Variants in FAM184A observed in about 807,000 individuals in gnomAD.
FAM184A encodes the protein family with sequence similarity 184 member A.
FAM184A carries 99 observed loss-of-function variants against 143.8 expected under a neutral mutation model. The ratio of observed to expected loss-of-function variants is 0.69; its 90% confidence interval spans 0.58 to 0.81. FAM184A has a LOEUF of 0.81. Among genes scored for constraint, FAM184A ranks in the 40% least tolerant of loss-of-function variants. The probability of loss-of-function intolerance (pLI) is 0.00; values close to 1 mark genes in which losing one functional copy is unlikely to be tolerated. For synonymous variants in FAM184A, 427 were observed against 446.4 expected (o/e 0.96, Z 0.55); for missense variants, 1,217 against 1,310.5 (o/e 0.93, Z 1.10).
At chr6:118,973,697 T>G (rs796700470) in intron 14 of FAM184A, among the ~76,000 whole-genome samples, 1 of 152,128 alleles carries the variant, frequency 6.6e-6, no homozygotes, top group Admixed American at 6.6e-5. Flanking sequence ...GCCACAGAGA[T>G]GGACTGAGTA....
Position 118,975,943 on chromosome 6 carries a change from T to G in FAM184A, c.2557A>C (p.Arg853=). ...TGTCTTCTGCTGATGTCTATGCTTC[T>G]CTCTAATTCCATTTTAGCAGCTGCC... The part of the protein sequence containing the change: ...ELAAAKMELE[R]SIDISRRQSK... The change falls in exon 12 of 18, where the codon AGA becomes CGA. Residue 853 remains arginine, a synonymous_variant. Transcript: ENST00000338891. 1 of 1,613,116 alleles carries G rather than the reference T, an allele frequency of 6.2e-7. No homozygotes were observed. Among genetic ancestry groups the G allele is most frequent in the South Asian group, 1.1e-5 (1 of 91,018 alleles).
intron 1 of FAM184A, among the ~76,000 whole-genome samples, chr6:119,029,182 AC>A (rs1184747255): frequency 2.0e-5 from 3 of 152,186 alleles, no homozygotes; most frequent in African/African-American, 4.8e-5. Context: ...AGAGAATTCA[AC>A]GAGGTAAAAT....
intron 1 of FAM184A, among the ~76,000 whole-genome samples, chr6:119,134,193 A>G (rs1006399256): frequency 6.6e-6 from 1 of 152,164 alleles, no homozygotes; most frequent in Non-Finnish European, 1.5e-5. Flanking sequence ...ATCAATATAG[A>G]AAAGACAAAC....
At chr6:119,009,069 G>C (rs189883648) in intron 6 of FAM184A, among the ~76,000 whole-genome samples, 10 of 152,176 alleles carry the variant, frequency 6.6e-5, no homozygotes, top group African/African-American at 2.4e-4. Context: ...ATTATGTGCT[G>C]ACTTGGGCAA....
chr6:119,020,224 C>T, intron 3 of FAM184A, 65 bp from the exon 4 acceptor site: 2 of 1,246,236 alleles, frequency 1.6e-6, no homozygotes, highest in East Asian at 2.6e-5. Context: ...AAACAGTTTA[C>T]ATTTAATAAC....
At chr6:119,010,830 C>T (rs563687897) in intron 6 of FAM184A, among the ~76,000 whole-genome samples, 5 of 152,204 alleles carry the variant, frequency 3.3e-5, no homozygotes, top group Admixed American at 1.3e-4. Context: ...CTTAACCCAC[C>T]TGGAACTTTG....
At chr6:119,060,422 C>T (rs1787185807) in intron 1 of FAM184A, among the ~76,000 whole-genome samples, 1 of 152,080 alleles carries the variant, frequency 6.6e-6, no homozygotes, top group African/African-American at 2.4e-5. Context: ...AGCAACAGCC[C>T]ACAGTCTAGT....
intron 9 of FAM184A, among the ~76,000 whole-genome samples, chr6:118,987,064 A>G (rs1784218753): frequency 6.6e-6 from 1 of 152,230 alleles, no homozygotes; most frequent in African/African-American, 2.4e-5. Context: ...GGAAAAACTT[A>G]TGGGGTATGA....
At chr6:119,052,829 C>T (rs1295184136) in intron 1 of FAM184A, among the ~76,000 whole-genome samples, 1 of 152,208 alleles carries the variant, frequency 6.6e-6, no homozygotes, top group Non-Finnish European at 1.5e-5. Flanking sequence ...TTTCTAAATA[C>T]ACTGAGTTGT....
At chr6:119,094,890 G>A (rs1788465804) in intron 1 of FAM184A, among the ~76,000 whole-genome samples, 1 of 152,204 alleles carries the variant, frequency 6.6e-6, no homozygotes, top group Non-Finnish European at 1.5e-5. Flanking sequence ...CAAAAGAGGG[G>A]AGGCTGAACA....
At chr6:119,088,091 G>A (rs1788274204) in intron 1 of FAM184A, among the ~76,000 whole-genome samples, 1 of 152,176 alleles carries the variant, frequency 6.6e-6, no homozygotes, top group African/African-American at 2.4e-5. Context: ...AGAAGGAGAA[G>A]GGAATGGAGA....
intron 3 of FAM184A, among the ~76,000 whole-genome samples, chr6:119,020,477 G>A (rs1192967024): frequency 6.6e-6 from 1 of 152,004 alleles, no homozygotes; most frequent in Non-Finnish European, 1.5e-5. Context: ...GTTGAAGTAG[G>A]CGCAACTCCT....
chr6:119,033,589 C>A (rs1286973661), intron 1 of FAM184A, among the ~76,000 whole-genome samples: 1 of 149,810 alleles, frequency 6.7e-6, no homozygotes, highest in African/African-American at 2.5e-5. Flanking sequence ...CGCTTGTACC[C>A]AGGAGGTGGA....
chr6:119,137,506 A>AT (rs1414199095), intron 1 of FAM184A, among the ~76,000 whole-genome samples: 6 of 152,186 alleles, frequency 3.9e-5, no homozygotes, highest in Non-Finnish European at 7.3e-5. Flanking sequence ...TAAAGACCTT[A>AT]TTTCCAAATA....
intron 1 of FAM184A, among the ~76,000 whole-genome samples, chr6:119,136,005 G>A (rs144955249): frequency 0.016 from 2,429 of 150,534 alleles, 65 homozygotes; most frequent in African/African-American, 0.053. Flanking sequence ...CAGGCCGGGC[G>A]CGGTGGCTCA....
chr6:118,985,543 A>G (rs1430701828), intron 9 of FAM184A, among the ~76,000 whole-genome samples: 1 of 152,150 alleles, frequency 6.6e-6, no homozygotes, highest in South Asian at 2.1e-4. Context: ...CGATATTCAG[A>G]TATGACCCAT....
At chr6:119,057,521 C>T (rs813233) in intron 1 of FAM184A, among the ~76,000 whole-genome samples, 132,814 of 152,164 alleles carry the variant, frequency 0.87, 58,157 homozygotes, top group East Asian at 1. Flanking sequence ...AGAGGATTGC[C>T]TGAGGTCAGG....
intron 1 of FAM184A, among the ~76,000 whole-genome samples, chr6:119,061,750 T>C (rs907507700): frequency 5.9e-5 from 9 of 151,790 alleles, no homozygotes; most frequent in South Asian, 4.2e-4. Context: ...AAAGGACTTA[T>C]AAAAACGTGA....
intron 1 of FAM184A, among the ~76,000 whole-genome samples, chr6:119,068,462 T>C (rs1787550760): frequency 6.6e-6 from 1 of 152,196 alleles, no homozygotes; most frequent in Non-Finnish European, 1.5e-5. Flanking sequence ...CCTTTAATCT[T>C]TATAATAATT....
Sources: gnomAD v4.1 joint callset for allele counts (sites outside exome capture counted in the v4.1 genomes callset) on GRCh38, gnomAD v4.1.1 for gene constraint, MANE v1.5 for transcripts, NCBI Gene and HGNC (gene_info 2026-07-23, HGNC 2026-07-21) for gene names.